RC3H2: variants seen among roughly 807,000 people sequenced by gnomAD.
The protein encoded by RC3H2 is ring finger and CCCH-type domains 2, also known as roquin-2.
A neutral mutation model predicts 133.3 loss-of-function variants in RC3H2; 31 were observed. That is an observed-to-expected ratio of 0.23 (90% confidence interval 0.17 to 0.31). The LOEUF (loss-of-function observed/expected upper bound fraction) is 0.31, where lower values mean the gene tolerates loss of function less well. Among genes scored for constraint, RC3H2 ranks in the 10% least tolerant of loss-of-function variants. The probability of loss-of-function intolerance (pLI) is 1.00; values close to 1 mark genes in which losing one functional copy is unlikely to be tolerated. For synonymous variants in RC3H2, 517 were observed against 502.2 expected (o/e 1.03, Z -0.40); for missense variants, 1,175 against 1,437.2 (o/e 0.82, Z 2.95).
intron 18 of RC3H2, among the ~76,000 whole-genome samples, chr9:122,852,936 G>A (rs1186070209): frequency 6.6e-6 from 1 of 152,200 alleles, no homozygotes; most frequent in Non-Finnish European, 1.5e-5. Flanking sequence ...TTGTGGAATA[G>A]AAAGGGGGGA....
At chr9:122,862,531 A>G (rs1315253500) in intron 10 of RC3H2, among the ~76,000 whole-genome samples, 1 of 152,190 alleles carries the variant, frequency 6.6e-6, no homozygotes, top group East Asian at 1.9e-4. Context: ...TCATAGAATT[A>G]TTCTTTTTCC....
chr9:122,857,411 T>C (rs1830288371), intron 13 of RC3H2, among the ~76,000 whole-genome samples: 1 of 152,226 alleles, frequency 6.6e-6, no homozygotes, highest in African/African-American at 2.4e-5. Context: ...TAAATAATAC[T>C]GTAGGTATTT....
At position 122,897,272 on chromosome 9, in the gene RC3H2, T is replaced by C; in HGVS notation, c.231+7A>G. The C allele has an allele frequency of 1.9e-6, 3 of 1,613,646 alleles. No individual in the cohort carries two copies. Among genetic ancestry groups the C allele is most frequent in the Non-Finnish European group, 2.5e-6 (3 of 1,179,626 alleles). On this transcript the variant is annotated splice_region_variant and intron_variant, in intron 2 of 20. Transcript: ENST00000357244. ...CACCAACCTATAGTAAAATCTTGAATGCTTACCTGGGCTCCAACTAACTGG... is the reference window on the plus strand; with the variant it reads ...CACCAACCTATAGTAAAATCTTGAACGCTTACCTGGGCTCCAACTAACTGG...
At chr9:122,869,986 G>T (rs1201951149) in intron 9 of RC3H2, among the ~76,000 whole-genome samples, 1 of 152,160 alleles carries the variant, frequency 6.6e-6, no homozygotes, top group Non-Finnish European at 1.5e-5. Context: ...AGATCCCTAT[G>T]CCTTCCTCCA....
chr9:122,881,698 C>T (rs967072305), intron 5 of RC3H2, among the ~76,000 whole-genome samples: 9 of 152,058 alleles, frequency 5.9e-5, no homozygotes, highest in Non-Finnish European at 1.2e-4. Flanking sequence ...GGGTCTTTGT[C>T]ACCCAGGCTG....
rs1011238041 is a variant in RC3H2 at position 122,846,256 on chromosome 9, T to TAC, written c.*3370_*3371insGT. On this transcript the variant is annotated 3_prime_UTR_variant, in exon 21 of 21. Transcript: ENST00000357244. The stretch of plus-strand genomic sequence containing the variant: ...CAAATGGAAAATTTCAGTTCTTGTA[T>TAC]AGGAAATTTCTTTTATTATCCTCTT... The TAC allele has an allele frequency of 5.3e-5, 8 of 152,188 alleles. No individual in the cohort carries two copies. Among genetic ancestry groups the TAC allele is most frequent in the Non-Finnish European group, 1.2e-4 (8 of 68,016 alleles). 9.4% of individuals were successfully genotyped at this position (152,188 alleles called of 1,614,324 possible).
At chr9:122,882,374 T>A (rs545672352) in intron 5 of RC3H2, among the ~76,000 whole-genome samples, 1 of 152,362 alleles carries the variant, frequency 6.6e-6, no homozygotes, top group Admixed American at 6.5e-5. Context: ...CAACTACCTG[T>A]TATCTCAAAC....
intron 18 of RC3H2, among the ~76,000 whole-genome samples, chr9:122,851,850 C>T (rs993124460): frequency 6.6e-6 from 1 of 152,234 alleles, no homozygotes; most frequent in African/African-American, 2.4e-5. Context: ...CTCGCTACAA[C>T]CTCCACCTCC....
Position 122,905,119 on chromosome 9 carries a change from C to T in RC3H2, c.-77G>A. On this transcript the variant is annotated 5_prime_UTR_variant, in exon 1 of 21. Transcript: ENST00000357244. Reference sequence around the variant, plus strand: ...CCCGCCCCCGCCCTACCTGAGGGGGCCCGGGCGGGGTCGCTAAGGGCCGCT... The same window carrying T: ...CCCGCCCCCGCCCTACCTGAGGGGGTCCGGGCGGGGTCGCTAAGGGCCGCT... The T allele has an allele frequency of 1.0e-6, 1 of 985,418 alleles. No individual in the cohort carries two copies. The highest frequency in any genetic ancestry group is 1.7e-5 in the African/African-American group (1 of 57,364). 61.0% of individuals were successfully genotyped at this position (985,418 alleles called of 1,614,324 possible).
rs1025561428 is a variant in RC3H2, at chr9:122,883,387, T to C, written c.584-8A>G. 9 of 1,585,716 alleles carry C rather than the reference T, an allele frequency of 5.7e-6. No individual in the cohort carries two copies. Among genetic ancestry groups the C allele is most frequent in the Middle Eastern group, 3.3e-4 (2 of 5,992 alleles). On this transcript the variant is annotated splice_region_variant and splice_polypyrimidine_tract_variant and intron_variant, in intron 4 of 20. Transcript: ENST00000357244. ...AGGCCTCTTCTTGCATAGCTAAAAA[T>C]ATTAAAGGAACATGAGTTCATGACA...
chr9:122,859,252 C>CTTGTTTTTTTTTTTT (rs1830367275), intron 11 of RC3H2, 150 bp from the exon 12 acceptor site: 1 of 179,744 alleles, frequency 5.6e-6, no homozygotes, highest in African/African-American at 4.9e-5. Context: ...TATACCCTGG[C>CTTGTTTTTTTTTTTT]TTTTTTTTTT....
chr9:122,845,574 G>T lies in RC3H2; in HGVS notation c.*4053C>A, dbSNP rs1168735492. On this transcript the variant is annotated 3_prime_UTR_variant, in exon 21 of 21. Transcript: ENST00000357244. ...AGAAAAAACTGCCAATTTTAGACTA[G>T]AAGGGAATAACTGCTCTTGGAGTAA... 6.6e-6 allele frequency: 1 copy of T among 152,126 alleles called. No homozygotes were observed. Among genetic ancestry groups the T allele is most frequent in the Non-Finnish European group, 1.5e-5 (1 of 68,010 alleles). 9.4% of individuals were successfully genotyped at this position (152,126 alleles called of 1,614,324 possible).
intron 3 of RC3H2, among the ~76,000 whole-genome samples, chr9:122,892,686 C>G (rs1278657452): frequency 6.6e-6 from 1 of 152,154 alleles, no homozygotes; most frequent in Non-Finnish European, 1.5e-5. Flanking sequence ...GCTGGGATTA[C>G]AGGGGTGAGC....
chr9:122,875,347 A>G (rs1487893829), intron 9 of RC3H2: 1 of 1,550,532 alleles, frequency 6.4e-7, no homozygotes, highest in Non-Finnish European at 8.7e-7. Flanking sequence ...AACAATGAAG[A>G]TATAGTCCAC....
chr9:122,857,914 C>A lies in RC3H2; in HGVS notation c.2454+9G>T, dbSNP rs1216870609. ...CCCTGCAACATTAAGTAATTAAAACCTTTCTTACATCCGCACGAAAGTCTA... is the reference window on the plus strand; with the variant it reads ...CCCTGCAACATTAAGTAATTAAAACATTTCTTACATCCGCACGAAAGTCTA... On this transcript the variant is annotated intron_variant, in intron 13 of 20. Coordinates refer to ENST00000357244, the MANE Select transcript of RC3H2 (RefSeq NM_001100588.3). 1.2e-6 allele frequency: 2 copies of A among 1,610,464 alleles called. No homozygotes were observed. The highest frequency in any genetic ancestry group is 1.7e-6 in the Non-Finnish European group (2 of 1,178,186).
intron 1 of RC3H2, among the ~76,000 whole-genome samples, chr9:122,900,330 C>T (rs1249705365): frequency 1.3e-5 from 2 of 152,114 alleles, no homozygotes. Flanking sequence ...ATCAACTAAA[C>T]TTCCCTTATA....
intron 15 of RC3H2, 111 bp downstream of exon 15, chr9:122,855,073 A>G (rs1484333701): frequency 1.9e-5 from 16 of 835,176 alleles, no homozygotes; most frequent in Middle Eastern, 3.0e-4. Flanking sequence ...AGATCACACC[A>G]CTGCATTCCA....
chr9:122,872,774 A>G (rs1831155502), intron 9 of RC3H2, among the ~76,000 whole-genome samples: 1 of 152,080 alleles, frequency 6.6e-6, no homozygotes, highest in Non-Finnish European at 1.5e-5. Context: ...TAGTAGAGAC[A>G]GAGTTTCCCC....
chr9:122,883,082 A>G (rs1221459708), intron 5 of RC3H2, 122 bp downstream of exon 5: 11 of 879,766 alleles, frequency 1.3e-5, no homozygotes, highest in African/African-American at 3.5e-5. Flanking sequence ...GCAGAAGGAA[A>G]GTTTCCTCTC....
Sources: gnomAD v4.1 joint callset for allele counts (sites outside exome capture counted in the v4.1 genomes callset) on GRCh38, gnomAD v4.1.1 for gene constraint, MANE v1.5 for transcripts, NCBI Gene and HGNC (gene_info 2026-07-23, HGNC 2026-07-21) for gene names.